Variants in TRPS1 observed in about 807,000 individuals in gnomAD.
TRPS1 encodes the protein zinc finger transcription factor Trps1.
A neutral mutation model predicts 101.2 loss-of-function variants in TRPS1; 6 were observed. That is an observed-to-expected ratio of 0.06 (90% CI 0.03 to 0.12). The LOEUF (loss-of-function observed/expected upper bound fraction) is 0.12, where lower values mean the gene tolerates loss of function less well. Among genes scored for constraint, TRPS1 ranks in the 10% least tolerant of loss-of-function variants. The pLI is 1.00. For synonymous variants in TRPS1, 578 were observed against 589.8 expected, an observed-to-expected ratio of 0.98 and a Z score of 0.29; for missense variants, 1,363 against 1,567.0, an observed-to-expected ratio of 0.87 and a Z score of 2.20.
intron 5 of TRPS1, among the ~76,000 whole-genome samples, chr8:115,540,095 A>G (rs1187964487): frequency 6.6e-6 from 1 of 152,222 alleles, no homozygotes; most frequent in Non-Finnish European, 1.5e-5. Context: ...ATTCCTTAGA[A>G]TTTAGAATTC....
intron 1 of TRPS1, among the ~76,000 whole-genome samples, chr8:115,632,409 TAGACGCCAAG>T (rs1257339189): frequency 6.6e-6 from 1 of 152,076 alleles, no homozygotes; most frequent in Non-Finnish European, 1.5e-5. Flanking sequence ...ACATCTGGAT[TAGACGCCAAG>T]AAACTTAAAA....
At chr8:115,516,185 C>T (rs868788844) in intron 5 of TRPS1, among the ~76,000 whole-genome samples, 3 of 422 alleles carry the variant, frequency 7.1e-3, no homozygotes, top group African/African-American at 0.011. Context: ...AAATTATCAC[C>T]GTAGGTTTTA....
chr8:115,501,011 C>CA (rs1815305108), intron 5 of TRPS1, among the ~76,000 whole-genome samples: 1 of 158 alleles, frequency 6.3e-3, no homozygotes, highest in Non-Finnish European at 0.012. Flanking sequence ...ATTTATTCAT[C>CA]TTGGTTTCGG....
intron 5 of TRPS1, among the ~76,000 whole-genome samples, chr8:115,480,392 CTCTTTTATTATAGAGTTTACAGGAGATAA>C (rs1403011377): frequency 5.9e-5 from 9 of 152,014 alleles, no homozygotes; most frequent in African/African-American, 2.2e-4. Flanking sequence ...AGTTTCTGTA[CTCTTTTATTATAGAGTTTACAGGAGATAA>C]TGTCAGTTGT....
intron 5 of TRPS1, among the ~76,000 whole-genome samples, chr8:115,422,819 T>G (rs1450311407): frequency 6.6e-6 from 1 of 152,218 alleles, no homozygotes; most frequent in Admixed American, 6.5e-5. Context: ...TCCCACAAGC[T>G]GTCTTAAGAG....
chr8:115,531,867 G>A (rs888117859), intron 5 of TRPS1, among the ~76,000 whole-genome samples: 9 of 152,030 alleles, frequency 5.9e-5, no homozygotes, highest in Non-Finnish European at 7.4e-5. Context: ...TGATGGAGGC[G>A]GGTGCTTATT....
At chr8:115,471,293 C>T (rs964185289) in intron 5 of TRPS1, among the ~76,000 whole-genome samples, 13 of 152,170 alleles carry the variant, frequency 8.5e-5, no homozygotes, top group Middle Eastern at 3.4e-3. Flanking sequence ...GAAGGGGAAG[C>T]GAACATATCC....
chr8:115,586,178 C>T (rs559140193), intron 5 of TRPS1, among the ~76,000 whole-genome samples: 3 of 152,296 alleles, frequency 2.0e-5, no homozygotes, highest in African/African-American at 7.2e-5. Flanking sequence ...AAAACTTTCA[C>T]AGACTTAAGG....
chr8:115,612,198 G>A (rs180732008), intron 3 of TRPS1, among the ~76,000 whole-genome samples: 3 of 146,352 alleles, frequency 2.0e-5, no homozygotes, highest in African/African-American at 5.1e-5. Context: ...GAATGAGGAA[G>A]GAAATAAAAA....
chr8:115,647,328 A>G (rs1811434993), intron 1 of TRPS1, among the ~76,000 whole-genome samples: 1 of 152,216 alleles, frequency 6.6e-6, no homozygotes, highest in Admixed American at 6.5e-5. Flanking sequence ...GTCCGTAACA[A>G]GAATTAATTT....
At chr8:115,456,875 A>G (rs1814039844) in intron 5 of TRPS1, among the ~76,000 whole-genome samples, 2 of 152,190 alleles carry the variant, frequency 1.3e-5, no homozygotes, top group Admixed American at 6.5e-5. Flanking sequence ...AATCCTAATT[A>G]TAAAATATAT....
At chr8:115,485,179 GC>G (rs1406692176) in intron 5 of TRPS1, among the ~76,000 whole-genome samples, 1 of 152,156 alleles carries the variant, frequency 6.6e-6, no homozygotes, top group Non-Finnish European at 1.5e-5. Flanking sequence ...GCATCACCTG[GC>G]CTGAAAGAAA....
intron 5 of TRPS1, among the ~76,000 whole-genome samples, chr8:115,552,146 A>C (rs775438171): frequency 2.0e-5 from 3 of 152,206 alleles, no homozygotes; most frequent in Non-Finnish European, 4.4e-5. Context: ...CTGTCAAAAA[A>C]ATAAACATAG....
In TRPS1 at chr8:115,668,942, A is replaced by AT. The variant is rs1429182786; in HGVS notation, c.-520dup. 6.6e-6 allele frequency: 1 copy of AT among 151,976 alleles called. No individual in the cohort carries two copies. 9.4% of individuals were successfully genotyped at this position (151,976 alleles called of 1,614,324 possible). On this transcript the variant is annotated 5_prime_UTR_variant, in exon 1 of 7. Coordinates refer to ENST00000395715, the MANE Select transcript of TRPS1 (RefSeq NM_014112.5). ...AGATCGGGTCTTTATCAGAAATGTT[A>AT]TCGCTTGTCAGGACCTCAGTCTCCG...
At chr8:115,652,888 T>C (rs1465721604) in intron 1 of TRPS1, among the ~76,000 whole-genome samples, 2 of 152,224 alleles carry the variant, frequency 1.3e-5, no homozygotes, top group Non-Finnish European at 2.9e-5. Context: ...TACATTAGCA[T>C]AGTTGTGATT....
At chr8:115,620,939 A>T (rs1036703720) in intron 2 of TRPS1, among the ~76,000 whole-genome samples, 1 of 152,232 alleles carries the variant, frequency 6.6e-6, no homozygotes, top group Non-Finnish European at 1.5e-5. Context: ...GATTAAGCTG[A>T]ACCATATGAC....
At chr8:115,551,084 T>C (rs1816693301) in intron 5 of TRPS1, among the ~76,000 whole-genome samples, 1 of 152,166 alleles carries the variant, frequency 6.6e-6, no homozygotes, top group African/African-American at 2.4e-5. Flanking sequence ...GTGCACAGGA[T>C]AAATTTAACA....
At chr8:115,525,062 A>G (rs1431393974) in intron 5 of TRPS1, among the ~76,000 whole-genome samples, 1 of 152,132 alleles carries the variant, frequency 6.6e-6, no homozygotes, top group Non-Finnish European at 1.5e-5. Context: ...ATTTATTGTT[A>G]TCTTCACCAA....
intron 5 of TRPS1, among the ~76,000 whole-genome samples, chr8:115,446,621 G>C (rs890213475): frequency 1.3e-5 from 2 of 152,074 alleles, no homozygotes; most frequent in Admixed American, 1.3e-4. Context: ...TTCCATCCCT[G>C]ATAGGCACAT....
Sources: allele counts gnomAD v4.1 joint callset (sites outside exome capture counted in the v4.1 genomes callset), GRCh38; gene constraint gnomAD v4.1.1; transcripts MANE v1.5; gene names NCBI Gene and HGNC (gene_info 2026-07-23, HGNC 2026-07-21).